ELL: variants seen among roughly 807,000 people sequenced by gnomAD.
The protein encoded by ELL is RNA polymerase II elongation factor ELL.
In ELL, 18 loss-of-function variants were observed where a neutral mutation model predicts 64.0. The ratio of observed to expected loss-of-function variants is 0.28; its 90% CI spans 0.19 to 0.42. The LOEUF (loss-of-function observed/expected upper bound fraction) is 0.42, where lower values mean the gene tolerates loss of function less well. Ranked by LOEUF, ELL falls within the 10% of genes least tolerant of loss-of-function variation. The probability of loss-of-function intolerance (pLI) is 1.00; values close to 1 mark genes in which losing one functional copy is unlikely to be tolerated. For synonymous variants in ELL, 399 were observed against 376.2 expected (o/e 1.06, Z -0.70); for missense variants, 797 against 870.4 (o/e 0.92, Z 1.06).
intron 8 of ELL, chr19:18,448,267 T>A (rs1054403179): frequency 2.7e-5 from 4 of 149,562 alleles, no homozygotes; most frequent in Admixed American, 2.6e-4. Context: ...CTCTGCACTA[T>A]CCCCTGAGAG....
chr19:18,450,424 G>C, intron 8 of ELL, 53 bp downstream of exon 8: 1 of 1,582,492 alleles, frequency 6.3e-7, no homozygotes, highest in Non-Finnish European at 8.6e-7. Context: ...GGTGAGGCGG[G>C]TGTGGGGCCA....
intron 1 of ELL, among the ~76,000 whole-genome samples, chr19:18,506,569 T>C (rs1468504520): frequency 6.6e-6 from 1 of 152,050 alleles, no homozygotes; most frequent in Non-Finnish European, 1.5e-5. Flanking sequence ...TCCATATAAA[T>C]AAAAAATTAG....
At chr19:18,490,241 G>A (rs1008204551) in intron 1 of ELL, among the ~76,000 whole-genome samples, 1 of 130,888 alleles carries the variant, frequency 7.6e-6, no homozygotes, top group Admixed American at 9.5e-5. Flanking sequence ...ATACTTAGAT[G>A]TAGCAACACA....
intron 2 of ELL, among the ~76,000 whole-genome samples, chr19:18,467,631 CCACACACACACACA>C (rs56351300): frequency 0.023 from 1,550 of 66,994 alleles, 118 homozygotes; most frequent in African/African-American, 0.083. Context: ...CACCACACAA[CCACACACACACACA>C]CACACACACA....
Position 18,444,824 on chromosome 19 carries a change from C to A in ELL, c.1794G>T (p.Leu598=). ...TCTTGATGTGGGCCAGCTTGCTGTGCAGGTACTCGCAGCGGTGCTTCTCCT... is the reference window on the plus strand; with the variant it reads ...TCTTGATGTGGGCCAGCTTGCTGTGAAGGTACTCGCAGCGGTGCTTCTCCT... ...YSQEKHRCEY[L]HSKLAHIKRL... Residue 598 remains leucine, a synonymous_variant, in exon 12 of 12, where the codon CTG becomes CTT. Coordinates refer to ENST00000262809, the MANE Select transcript of ELL (RefSeq NM_006532.4). The A allele has an allele frequency of 6.2e-7, 1 of 1,612,058 alleles. No individual in the cohort carries two copies. Among genetic ancestry groups the A allele is most frequent in the Non-Finnish European group, 8.5e-7 (1 of 1,179,954 alleles).
At chr19:18,447,049 C>A (rs1219326530) in intron 8 of ELL, among the ~76,000 whole-genome samples, 1 of 152,180 alleles carries the variant, frequency 6.6e-6, no homozygotes, top group Non-Finnish European at 1.5e-5. Flanking sequence ...TCAGCGTGCA[C>A]CTGCGTGTCC....
Position 18,451,549 on chromosome 19 carries a change from T to G in ELL, c.966+3A>C, listed in dbSNP as rs1974537329. 5 of 1,480,376 alleles carry G rather than the reference T, an allele frequency of 3.4e-6. No homozygotes were observed. Among genetic ancestry groups the G allele is most frequent in the Non-Finnish European group, 4.5e-6 (5 of 1,123,318 alleles). 91.7% of individuals were successfully genotyped at this position (1,480,376 alleles called of 1,614,324 possible). On this transcript the variant is annotated splice_donor_region_variant and intron_variant, in intron 7 of 11. Transcript: ENST00000262809. Reference sequence around the variant, plus strand: ...ACAGTCACCCCAGGCATGCCTCACTTACCTGTGGGGGCGAGGCCGAGCGCC... The same window carrying G: ...ACAGTCACCCCAGGCATGCCTCACTGACCTGTGGGGGCGAGGCCGAGCGCC...
chr19:18,446,625 T>C, intron 9 of ELL, 123 bp downstream of exon 9: 1 of 1,491,854 alleles, frequency 6.7e-7, no homozygotes, highest in South Asian at 1.2e-5. Context: ...GAGGCTGCTA[T>C]GTTTGGAATT....
At position 18,482,308 on chromosome 19, in the gene ELL, CTTTTTTTTTTTT is replaced by C. The variant is rs530594631; in HGVS notation, c.136-9438_136-9427del. 1.2e-4 allele frequency among the ~76,000 whole-genome samples: 9 copies of C among 77,566 alleles called. No individual in the cohort carries two copies. In the South Asian group the frequency reaches 2.2e-3, roughly 19 times the overall value. 50.9% of individuals were successfully genotyped at this position (77,566 alleles called of 152,430 possible). A position where few individuals can be genotyped will look rare whatever the true frequency, so the allele number is the denominator to read the frequency against. ...TAGTCCATGGCTTGTCTTTTCATTC[CTTTTTTTTTTTT>C]TTTTTTTTTTTTTTTTAAACAGGGT... is the stretch of plus-strand genomic sequence containing the variant. On this transcript the variant is annotated intron_variant, in intron 1 of 11. Transcript: ENST00000262809.
chr19:18,507,638 A>G (rs141248629), intron 1 of ELL, among the ~76,000 whole-genome samples: 99 of 152,344 alleles, frequency 6.5e-4, no homozygotes, highest in African/African-American at 2.3e-3. Context: ...CGCTGCGAAG[A>G]AGTGGGCCAT....
intron 6 of ELL, among the ~76,000 whole-genome samples, chr19:18,453,015 T>C (rs1322018656): frequency 6.6e-6 from 1 of 152,242 alleles, no homozygotes; most frequent in African/African-American, 2.4e-5. Context: ...CTCACGCCTG[T>C]AATCCCAGCA....
At chr19:18,458,759 G>A (rs1176949164) in intron 5 of ELL, among the ~76,000 whole-genome samples, 5 of 151,770 alleles carry the variant, frequency 3.3e-5, no homozygotes, top group Non-Finnish European at 7.4e-5. Flanking sequence ...CAGCCTCCCA[G>A]GTAGGTGGGG....
intron 2 of ELL, among the ~76,000 whole-genome samples, chr19:18,469,942 G>A (rs997325330): frequency 3.9e-5 from 6 of 152,254 alleles, no homozygotes; most frequent in African/African-American, 1.4e-4. Context: ...TTCCGACAAC[G>A]ATGAGCCCAG....
At chr19:18,489,312 T>C (rs1237930310) in intron 1 of ELL, among the ~76,000 whole-genome samples, 1 of 152,186 alleles carries the variant, frequency 6.6e-6, no homozygotes, top group African/African-American at 2.4e-5. Flanking sequence ...AATGCTGAAG[T>C]TCAGCCAGGT....
At chr19:18,516,620 G>A (rs1004029011) in intron 1 of ELL, among the ~76,000 whole-genome samples, 2 of 152,000 alleles carry the variant, frequency 1.3e-5, no homozygotes, top group African/African-American at 4.8e-5. Flanking sequence ...GAGTGATCTG[G>A]AGTCTCCCAC....
At chr19:18,493,269 T>C (rs1349876415) in intron 1 of ELL, among the ~76,000 whole-genome samples, 1 of 152,224 alleles carries the variant, frequency 6.6e-6, no homozygotes, top group Non-Finnish European at 1.5e-5. Context: ...AGGGCCGCTG[T>C]CACCACAGTG....
At chr19:18,520,917 G>A (rs1600517237) in intron 1 of ELL, among the ~76,000 whole-genome samples, 1 of 151,920 alleles carries the variant, frequency 6.6e-6, no homozygotes, top group Non-Finnish European at 1.5e-5. Context: ...CAGCACAGAC[G>A]GGGGGAGGGG....
In ELL at chr19:18,481,867, A is replaced by C. The variant is rs536132229; in HGVS notation, c.136-8985T>G. Among the ~76,000 whole-genome samples, 5 of 152,326 alleles carry C rather than the reference A, an allele frequency of 3.3e-5. No individual in the cohort carries two copies. In the East Asian group the frequency reaches 9.6e-4, roughly 29 times the overall value. ...CGTGTTTTCATTTCACTTGGTGAAC[A>C]CCCAGGAGCCCGACTGCTGGGTTAC... On this transcript the variant is annotated intron_variant, in intron 1 of 11. Transcript: ENST00000262809.
intron 1 of ELL, among the ~76,000 whole-genome samples, chr19:18,504,414 G>A (rs1332520606): frequency 6.6e-6 from 1 of 151,496 alleles, no homozygotes; most frequent in Non-Finnish European, 1.5e-5. Context: ...ATTTTCTACA[G>A]AGCTCAGCAT....
Sources: allele counts gnomAD v4.1 joint callset (sites outside exome capture counted in the v4.1 genomes callset), GRCh38; gene constraint gnomAD v4.1.1; transcripts MANE v1.5; gene names NCBI Gene and HGNC (gene_info 2026-07-23, HGNC 2026-07-21).